Variants in CILK1 observed in about 807,000 individuals in gnomAD.
CILK1 encodes the protein ciliogenesis associated kinase 1, also known as serine/threonine-protein kinase ICK.
Under a neutral mutation model 79.2 loss-of-function variants are expected in CILK1, and 47 were observed. That is an observed-to-expected ratio of 0.59 (90% CI 0.47 to 0.76). The LOEUF (loss-of-function observed/expected upper bound fraction) is 0.76, where lower values mean the gene tolerates loss of function less well. Ranked by LOEUF, CILK1 falls within the 30% of genes least tolerant of loss-of-function variation. CILK1 has a pLI of 0.00. For missense variants in CILK1, 660 were observed against 769.5 expected, an observed-to-expected ratio of 0.86 and a Z score of 1.68; for synonymous variants, 266 against 275.9, an observed-to-expected ratio of 0.96 and a Z score of 0.36.
intron 3 of CILK1, 58 bp from the exon 4 acceptor site, chr6:53,032,712 AAAAAG>A (rs1766051536): frequency 6.9e-7 from 1 of 1,445,412 alleles, no homozygotes; most frequent in East Asian, 2.4e-5. Context: ...TCTGTTGTTG[AAAAAG>A]AAAAGTAATC....
rs1764131805 is a variant in CILK1 at position 53,004,958 on chromosome 6, T to A, written c.*191A>T. 2 of 570,194 alleles carry A rather than the reference T, an allele frequency of 3.5e-6. No individual in the cohort carries two copies. Among genetic ancestry groups the A allele is most frequent in the East Asian group, 6.0e-5 (2 of 33,580 alleles). 35.3% of individuals were successfully genotyped at this position (570,194 alleles called of 1,614,324 possible). Reference sequence around the variant, plus strand: ...TAAAATAATTTTATACAAAAAAGCCTACTGCATTCAAATCAATATTTTAAA... The same window carrying A: ...TAAAATAATTTTATACAAAAAAGCCAACTGCATTCAAATCAATATTTTAAA... On this transcript the variant is annotated 3_prime_UTR_variant, in exon 14 of 14. Coordinates refer to ENST00000676107, the MANE Select transcript of CILK1 (RefSeq NM_014920.5).
chr6:53,059,713 G>C (rs1451018317), intron 1 of CILK1, among the ~76,000 whole-genome samples: 1 of 152,200 alleles, frequency 6.6e-6, no homozygotes, highest in African/African-American at 2.4e-5. Context: ...GATTATGATA[G>C]GCCTTGAGAA....
chr6:53,030,018 T>C (rs997030262), intron 5 of CILK1, among the ~76,000 whole-genome samples: 1 of 152,204 alleles, frequency 6.6e-6, no homozygotes, highest in Admixed American at 6.5e-5. Context: ...TGTGTCTAGT[T>C]AGTAACAACA....
chr6:53,037,141 G>A lies in CILK1; in HGVS notation c.156+798C>T, dbSNP rs146367757. Among the ~76,000 whole-genome samples the A allele has an allele frequency of 4.1e-4, 62 of 152,250 alleles. No homozygotes were observed. The Middle Eastern group carries it at 0.01, about 25-fold the overall frequency. On this transcript the variant is annotated intron_variant, in intron 3 of 13. Transcript: ENST00000676107. The stretch of plus-strand genomic sequence containing the variant: ...AGGTGTTTCAAACAGGGCTGGGTGA[G>A]AGGACTAAAATTAGATGAAGCACCA...
rs529489988 is a variant in CILK1 at position 53,038,038 on chromosome 6, T to C, written c.102-45A>G. On this transcript the variant is annotated intron_variant, in intron 2 of 13. Transcript: ENST00000676107. ...CAAACAGCACACTTATTCTCAGTAA[T>C]AGGTTAAACTTTGCTTTTAGAAAAA... 6.0e-6 allele frequency: 8 copies of C among 1,325,490 alleles called. No individual in the cohort carries two copies. The Admixed American group carries it at 8.5e-5, about 14-fold the overall frequency. 82.1% of individuals were successfully genotyped at this position (1,325,490 alleles called of 1,614,324 possible).
rs767836085 is a variant in CILK1, at chr6:53,018,447, G to A, written c.546C>T (p.Asp182=). The A allele has an allele frequency of 6.2e-6, 10 of 1,614,210 alleles. No homozygotes were observed. Among genetic ancestry groups the A allele is most frequent in the Middle Eastern group, 3.3e-4 (2 of 6,062 alleles). ...LRSTNYSSPI[D]VWAVGCIMAE... is the part of the protein sequence containing the mutation. ...CCATGATGCAGCCCACCGCCCAGAC[G>A]TCAATGGGGGAGCTGTAGTTGGTAG... The change falls in exon 7 of 14, where the codon GAC becomes GAT. Residue 182 remains aspartate (D), a synonymous_variant. Transcript: ENST00000676107.
At chr6:53,057,586 T>C (rs901795349) in intron 1 of CILK1, among the ~76,000 whole-genome samples, 3 of 88,714 alleles carry the variant, frequency 3.4e-5, no homozygotes, top group African/African-American at 1.0e-4. Context: ...ATAGCAGCCA[T>C]GATGAGCTTA....
chr6:53,019,640 A>T (rs1765108721), intron 5 of CILK1, among the ~76,000 whole-genome samples: 1 of 152,130 alleles, frequency 6.6e-6, no homozygotes, highest in South Asian at 2.1e-4. Context: ...TTATAGGCTG[A>T]GATAACTTTG....
intron 5 of CILK1, among the ~76,000 whole-genome samples, chr6:53,027,104 A>G (rs1765628408): frequency 6.6e-6 from 1 of 152,196 alleles, no homozygotes; most frequent in Non-Finnish European, 1.5e-5. Flanking sequence ...AATTTCCCAG[A>G]TATTATTAAA....
At chr6:53,042,046 G>A (rs1012809607) in intron 1 of CILK1, among the ~76,000 whole-genome samples, 2 of 151,974 alleles carry the variant, frequency 1.3e-5, no homozygotes, top group African/African-American at 4.8e-5. Context: ...CTTAACTCTT[G>A]TTTATATCAA....
intron 1 of CILK1, among the ~76,000 whole-genome samples, chr6:53,059,378 C>T (rs1239327011): frequency 2.0e-5 from 3 of 152,182 alleles, no homozygotes; most frequent in South Asian, 2.1e-4. Context: ...CATATGGCTC[C>T]GGCCCTAAAG....
intron 3 of CILK1, among the ~76,000 whole-genome samples, chr6:53,036,316 C>T (rs956789052): frequency 1.3e-5 from 2 of 152,110 alleles, no homozygotes; most frequent in African/African-American, 4.8e-5. Flanking sequence ...TTCGGATCAT[C>T]TCAAACTTTT....
At position 53,032,556 on chromosome 6, in the gene CILK1, A is replaced by G. The variant is rs1185098123; in HGVS notation, c.255T>C (p.Asn85=). The change falls in exon 4 of 14, where the codon AAT becomes AAC. Residue 85 remains asparagine, a synonymous_variant. Coordinates refer to ENST00000676107, the MANE Select transcript of CILK1 (RefSeq NM_014920.5). ...LYFIFEYMKE[N]LYQLIKERNK... ...ACCTCTCTTTAATGAGCTGGTAAAG[A>G]TTTTCCTTCATGTACTCGAAGATAA... The G allele has an allele frequency of 6.2e-7, 1 of 1,608,410 alleles. No individual in the cohort carries two copies. Among genetic ancestry groups the G allele is most frequent in the African/African-American group, 1.3e-5 (1 of 74,926 alleles).
intron 1 of CILK1, among the ~76,000 whole-genome samples, chr6:53,052,634 G>C (rs1335650393): frequency 1.3e-5 from 2 of 151,990 alleles, no homozygotes; most frequent in African/African-American, 4.8e-5. Flanking sequence ...AGAAGGCTGA[G>C]GCAGGAGAAT....
intron 5 of CILK1, among the ~76,000 whole-genome samples, chr6:53,021,034 A>G (rs967006738): frequency 6.6e-6 from 1 of 152,130 alleles, no homozygotes; most frequent in Non-Finnish European, 1.5e-5. Flanking sequence ...AAAACATCTC[A>G]TATCAGCTAG....
chr6:53,012,727 T>G (rs1167298287), intron 9 of CILK1, among the ~76,000 whole-genome samples: 1 of 152,200 alleles, frequency 6.6e-6, no homozygotes, highest in Non-Finnish European at 1.5e-5. Flanking sequence ...CTAAATTGTG[T>G]GCTGCAATAA....
intron 12 of CILK1, among the ~76,000 whole-genome samples, chr6:53,007,527 G>A (rs760262364): frequency 2.6e-5 from 4 of 152,208 alleles, no homozygotes; most frequent in Admixed American, 2.0e-4. Flanking sequence ...TTTTAGTCTT[G>A]ACAGTACCAA....
Position 53,031,091 on chromosome 6 carries a change from TG to T in CILK1, c.331del (p.Gln111LysfsTer16). 6.2e-7 allele frequency: 1 copy of T among 1,610,142 alleles called. No homozygotes were observed. The highest frequency in any genetic ancestry group is 8.5e-7 in the Non-Finnish European group (1 of 1,176,552). ...AIRNIMYQIL[Q>X]GLAFIHKHGF... is the part of the protein sequence containing the mutation. The stretch of plus-strand genomic sequence containing the variant: ...GTGTTTGTGAATAAATGCGAGTCCT[TG>T]TAATATCTGATACATGATATTCCTT... On this transcript the variant is annotated frameshift_variant, in exon 5 of 14. Transcript: ENST00000676107. LOFTEE classifies it high-confidence loss of function.
chr6:53,024,938 T>C (rs1338067863), intron 5 of CILK1, among the ~76,000 whole-genome samples: 1 of 150,216 alleles, frequency 6.7e-6, no homozygotes. Context: ...GTTCAAGCAA[T>C]TCTCATGCCT....
Sources: allele counts gnomAD v4.1 joint callset (sites outside exome capture counted in the v4.1 genomes callset), GRCh38; gene constraint gnomAD v4.1.1; transcripts MANE v1.5; gene names NCBI Gene and HGNC (gene_info 2026-07-23, HGNC 2026-07-21).